The following SLC30A9 variants were observed in gnomAD, a reference collection of about 807,000 sequenced individuals.
SLC30A9 encodes the protein solute carrier family 30 member 9.
Under a neutral mutation model 87.5 loss-of-function variants are expected in SLC30A9, and 58 were observed. The ratio of observed to expected loss-of-function variants is 0.66; its 90% CI spans 0.54 to 0.82. SLC30A9 has a LOEUF of 0.82. Ranked by LOEUF, SLC30A9 falls within the 40% of genes least tolerant of loss-of-function variation. The probability of loss-of-function intolerance (pLI) is 0.00; values close to 1 mark genes in which losing one functional copy is unlikely to be tolerated. For synonymous variants in SLC30A9, 234 were observed against 233.0 expected, an observed-to-expected ratio of 1.00 and a Z score of -0.04; for missense variants, 557 against 679.1, an observed-to-expected ratio of 0.82 and a Z score of 2.00.
intron 2 of SLC30A9, among the ~76,000 whole-genome samples, chr4:42,012,259 C>G (rs147919786): frequency 1.6e-3 from 244 of 152,196 alleles, no homozygotes; most frequent in African/African-American, 5.5e-3. Context: ...AATTGTTGTT[C>G]TACTGAAGTA....
chr4:42,022,641 G>A (rs1228752953), intron 4 of SLC30A9, among the ~76,000 whole-genome samples, 197 bp from the exon 5 acceptor site: 1 of 152,176 alleles, frequency 6.6e-6, no homozygotes, highest in African/African-American at 2.4e-5. Flanking sequence ...TGAGCATCAA[G>A]AGTAATTTTT....
intron 1 of SLC30A9, among the ~76,000 whole-genome samples, chr4:41,998,958 C>T (rs1185216604): frequency 6.6e-6 from 1 of 152,042 alleles, no homozygotes; most frequent in Non-Finnish European, 1.5e-5. Flanking sequence ...TGAATTTCTA[C>T]TGGTGTTAAA....
At chr4:42,051,974 TTTA>T (rs1174403583) in intron 9 of SLC30A9, among the ~76,000 whole-genome samples, 1 of 150,242 alleles carries the variant, frequency 6.7e-6, no homozygotes, top group African/African-American at 2.4e-5. Flanking sequence ...ATAATCAGAT[TTTA>T]TTATATAAAT....
rs1163564335 is a variant in SLC30A9 at position 42,089,576 on chromosome 4, C to T, written c.*3450C>T. ...GGGATTACAGGCATGCGCCACCACA[C>T]CCGGCTAATTTTGTATTTCTGGTTT... On this transcript the variant is annotated 3_prime_UTR_variant, in exon 18 of 18. Coordinates refer to ENST00000264451, the MANE Select transcript of SLC30A9 (RefSeq NM_006345.4). 1 of 152,232 alleles carries T rather than the reference C, an allele frequency of 6.6e-6. No individual in the cohort carries two copies. The highest frequency in any genetic ancestry group is 1.5e-5 in the Non-Finnish European group (1 of 68,118). The allele number at this position is 152,232 out of a possible 1,614,324, so 9.4% of individuals were successfully genotyped here.
chr4:42,031,012 T>C (rs1577696023), intron 6 of SLC30A9, among the ~76,000 whole-genome samples: 1 of 152,248 alleles, frequency 6.6e-6, no homozygotes. Context: ...GAAGAATTTT[T>C]TATTTATGCA....
intron 17 of SLC30A9, among the ~76,000 whole-genome samples, chr4:42,079,321 TCTCA>T: frequency 6.6e-6 from 1 of 151,670 alleles, no homozygotes; most frequent in South Asian, 2.1e-4. Context: ...TAACTAAGAA[TCTCA>T]CTCTGTTGCC....
chr4:41,996,670 G>A lies in SLC30A9; in HGVS notation c.110-4946G>A, dbSNP rs1244014698. ...AGATGGGAAAACCACCTGAGGCTGG[G>A]GAGGTTGAGGCTGCAGTGAACCATG... On this transcript the variant is annotated intron_variant, in intron 1 of 17. Transcript: ENST00000264451. Among the ~76,000 whole-genome samples the A allele has an allele frequency of 3.9e-5, 6 of 152,276 alleles. No individual in the cohort carries two copies. The East Asian group carries it at 7.7e-4, about 20-fold the overall frequency.
At chr4:42,022,206 A>G (rs1348206630) in intron 4 of SLC30A9, among the ~76,000 whole-genome samples, 1 of 149,560 alleles carries the variant, frequency 6.7e-6, no homozygotes, top group Non-Finnish European at 1.5e-5. Context: ...AAGTGCTGGG[A>G]TTACAGGTGT....
chr4:42,065,362 A>C lies in SLC30A9; in HGVS notation c.1072+13A>C. On this transcript the variant is annotated intron_variant, in intron 12 of 17. Transcript: ENST00000264451. ...GTATCTGAAGGAGGTATGTACTGTC[A>C]CAAAGTATGTCTCTATTCTTAATTT... is the stretch of plus-strand genomic sequence containing the variant. 1 of 1,276,640 alleles carries C rather than the reference A, an allele frequency of 7.8e-7. No individual in the cohort carries two copies. The highest frequency in any genetic ancestry group is 1.1e-6 in the Non-Finnish European group (1 of 877,024). 79.1% of individuals were successfully genotyped at this position (1,276,640 alleles called of 1,614,324 possible).
intron 2 of SLC30A9, among the ~76,000 whole-genome samples, chr4:42,017,724 T>C (rs903572096): frequency 2.0e-5 from 3 of 152,246 alleles, no homozygotes; most frequent in Non-Finnish European, 4.4e-5. Flanking sequence ...AGAAGAACTG[T>C]GCATTCTTTT....
intron 4 of SLC30A9, among the ~76,000 whole-genome samples, chr4:42,021,574 A>G (rs541792485): frequency 6.6e-6 from 1 of 152,328 alleles, no homozygotes; most frequent in South Asian, 2.1e-4. Context: ...AATTTAAGAG[A>G]AAGGAAAATA....
chr4:42,063,169 A>G, intron 11 of SLC30A9, 48 bp downstream of exon 11: 2 of 1,571,564 alleles, frequency 1.3e-6, no homozygotes, highest in South Asian at 1.1e-5. Flanking sequence ...TGACATAGTG[A>G]TTGTGTACAG....
rs1231453782 is a variant in SLC30A9, at chr4:41,990,745, C to G, written c.94C>G (p.Pro32Ala). The change falls in exon 1 of 18, where the codon CCC becomes GCC. Residue 32 changes from proline to alanine, a missense_variant. Pro to Ala is a conservative substitution (Grantham distance 27, BLOSUM62 -1). Around this residue, in one of 2 missense-constraint regions of SLC30A9, gnomAD observed 467 missense variants for 529.8 expected, o/e 0.88. Transcript: ENST00000264451. ...GCGATGCAGGGCGGCGGCCTGTAAT[C>G]CCAGCGACCGCCAGGGTGAGTGTCC... Reference protein sequence around the residue: ...RLRCRAAACNPSDRQEWQNLV... With the variant: ...RLRCRAAACNASDRQEWQNLV... 3 of 1,610,450 alleles carry G rather than the reference C, an allele frequency of 1.9e-6. No individual in the cohort carries two copies. Among genetic ancestry groups the G allele is most frequent in the Admixed American group, 1.7e-5 (1 of 59,910 alleles).
chr4:42,040,774 C>T (rs1468458495), intron 8 of SLC30A9, among the ~76,000 whole-genome samples: 4 of 115,322 alleles, frequency 3.5e-5, no homozygotes, highest in South Asian at 3.1e-4. Flanking sequence ...CCAGTCTGGG[C>T]GACAGAGCCA....
chr4:42,082,719 G>A (rs1307340593), intron 17 of SLC30A9, among the ~76,000 whole-genome samples: 1 of 151,942 alleles, frequency 6.6e-6, no homozygotes, highest in Admixed American at 6.6e-5. Context: ...ATGGTGGCGG[G>A]CCCTTCTAGT....
intron 4 of SLC30A9, among the ~76,000 whole-genome samples, chr4:42,022,498 C>T (rs1716012263): frequency 6.6e-6 from 1 of 151,982 alleles, no homozygotes; most frequent in South Asian, 2.1e-4. Flanking sequence ...TGGGAGTGAG[C>T]CACCACGCAT....
intron 2 of SLC30A9, among the ~76,000 whole-genome samples, chr4:42,011,409 C>G (rs139235560): frequency 2.0e-5 from 3 of 152,110 alleles, no homozygotes; most frequent in Non-Finnish European, 4.4e-5. Context: ...GATGGGGACA[C>G]AGAGCCAAAC....
chr4:42,058,676 G>T (rs1189303783), intron 9 of SLC30A9, among the ~76,000 whole-genome samples: 1 of 152,174 alleles, frequency 6.6e-6, no homozygotes, highest in African/African-American at 2.4e-5. Context: ...AAGGTGAAAG[G>T]CACGTCTCAC....
At chr4:42,070,279 A>G in intron 14 of SLC30A9, 1 of 349,556 alleles carries the variant, frequency 2.9e-6, no homozygotes, top group Non-Finnish European at 5.2e-6. Flanking sequence ...GAAACTTCAC[A>G]TATGTAATGA....
Sources: gnomAD v4.1 joint callset for allele counts (sites outside exome capture counted in the v4.1 genomes callset) on GRCh38, gnomAD v4.1.1 for gene constraint, gnomAD v4.1.1 regional missense constraint, MANE v1.5 for transcripts, NCBI Gene and HGNC (gene_info 2026-07-23, HGNC 2026-07-21) for gene names.